The following DCAF6 variants were observed in gnomAD, a reference collection of about 807,000 sequenced individuals.
DCAF6 encodes the protein DDB1- and CUL4-associated factor 6.
In DCAF6, 54 loss-of-function variants were observed where a neutral mutation model predicts 125.1. The observed-to-expected ratio is 0.43, with a 90% CI of 0.35 to 0.54. DCAF6 has a LOEUF of 0.54. Ranked by LOEUF, DCAF6 falls within the 20% of genes least tolerant of loss-of-function variation. DCAF6 has a pLI of 0.01. For synonymous variants in DCAF6, 371 were observed against 390.4 expected, an observed-to-expected ratio of 0.95 and a Z score of 0.58; for missense variants, 934 against 1,161.7, an observed-to-expected ratio of 0.80 and a Z score of 2.85.
chr1:167,894,791 C>A, the DCAF6 span, among the ~76,000 whole-genome samples: 1 of 152,048 alleles, frequency 6.6e-6, no homozygotes, highest in African/African-American at 2.4e-5. Flanking sequence ...TCAGAAGTGC[C>A]GGTGGTCTGG....
intron 1 of DCAF6, chr1:167,937,341 A>G: frequency 3.3e-6 from 1 of 301,164 alleles, no homozygotes; most frequent in Non-Finnish European, 6.6e-6. Context: ...TTTAGAGCAA[A>G]AGTTAGCTCT....
chr1:167,869,162 A>G, the DCAF6 span, among the ~76,000 whole-genome samples: 1 of 152,226 alleles, frequency 6.6e-6, no homozygotes, highest in African/African-American at 2.4e-5. Flanking sequence ...AGCCATGTTT[A>G]GAAGGTGGTT....
chr1:168,071,494 C>T (rs1231977187), intron 21 of DCAF6, among the ~76,000 whole-genome samples: 1 of 151,932 alleles, frequency 6.6e-6, no homozygotes, highest in African/African-American at 2.4e-5. Flanking sequence ...ATTAGCTGGA[C>T]GTGATGGTGC....
chr1:167,943,916 G>C (rs1006505235), intron 1 of DCAF6, among the ~76,000 whole-genome samples: 1 of 151,428 alleles, frequency 6.6e-6, no homozygotes, highest in East Asian at 1.9e-4. Context: ...TCGGCTTACT[G>C]CAAGTTCCGC....
At chr1:167,925,500 T>C in the DCAF6 span, among the ~76,000 whole-genome samples, 2 of 142,048 alleles carry the variant, frequency 1.4e-5, no homozygotes, top group African/African-American at 5.1e-5. Flanking sequence ...CACACATATA[T>C]ATATACACAT....
intron 3 of DCAF6, among the ~76,000 whole-genome samples, chr1:167,972,874 T>G (rs202244): frequency 7.7e-4 from 117 of 152,332 alleles, no homozygotes; most frequent in African/African-American, 2.6e-3. Flanking sequence ...TTAATTAGTT[T>G]ATTTAATAAG....
At position 168,004,767 on chromosome 1, in the gene DCAF6, C is replaced by T. The variant is rs1460485457; in HGVS notation, c.1352C>T (p.Ser451Phe). The change falls in exon 10 of 22, where the codon TCT becomes TTT. Residue 451 changes from serine (S) to phenylalanine (F), a missense_variant. This residue lies in a region of DCAF6 where 559 missense variants were observed against 635.5 expected (regional missense o/e 0.88). Coordinates refer to ENST00000367840, the MANE Select transcript of DCAF6 (RefSeq NM_001198956.2). ...GAACAAAGGCAGTCTGTTGAGGCATCTGGACACCACACACATCATCAGTCT... is the reference window on the plus strand; with the variant it reads ...GAACAAAGGCAGTCTGTTGAGGCATTTGGACACCACACACATCATCAGTCT... ...DSEQRQSVEA[S>F]GHHTHHQSEF... 61 of 1,613,794 alleles carry T rather than the reference C, an allele frequency of 3.8e-5. No individual in the cohort carries two copies. Among genetic ancestry groups the T allele is most frequent in the Non-Finnish European group, 4.2e-5 (49 of 1,179,868 alleles).
chr1:167,994,367 C>T (rs1681325144), intron 7 of DCAF6, among the ~76,000 whole-genome samples: 3 of 152,068 alleles, frequency 2.0e-5, no homozygotes, highest in Admixed American at 2.0e-4. Flanking sequence ...TGATAAATTT[C>T]CAAGAGACTA....
At chr1:167,940,944 G>T (rs984555254) in intron 1 of DCAF6, among the ~76,000 whole-genome samples, 43 of 152,276 alleles carry the variant, frequency 2.8e-4, no homozygotes, top group African/African-American at 8.2e-4. Context: ...TATGAAGTCA[G>T]TGTCCTTTGA....
At chr1:168,014,337 C>T (rs1182248635) in intron 10 of DCAF6, among the ~76,000 whole-genome samples, 1 of 152,146 alleles carries the variant, frequency 6.6e-6, no homozygotes, top group Non-Finnish European at 1.5e-5. Flanking sequence ...TACAATTTCA[C>T]GACTTAGCCT....
chr1:168,048,969 C>G (rs1440996584), intron 16 of DCAF6, among the ~76,000 whole-genome samples: 1 of 152,144 alleles, frequency 6.6e-6, no homozygotes. Context: ...TAAAATGCCT[C>G]TACTGGCAAA....
At chr1:167,946,021 A>G (rs1002953456) in intron 1 of DCAF6, among the ~76,000 whole-genome samples, 7 of 149,528 alleles carry the variant, frequency 4.7e-5, no homozygotes, top group African/African-American at 1.5e-4. Context: ...CAATGGCACA[A>G]TCTCAGCTCA....
At chr1:167,892,769 C>T in the DCAF6 span, among the ~76,000 whole-genome samples, 2 of 152,140 alleles carry the variant, frequency 1.3e-5, no homozygotes, top group Non-Finnish European at 2.9e-5. Context: ...ACAAAGATTT[C>T]CTCCAGGACA....
intron 10 of DCAF6, among the ~76,000 whole-genome samples, chr1:168,007,340 A>C (rs1683469162): frequency 6.6e-6 from 1 of 151,832 alleles, no homozygotes; most frequent in Admixed American, 6.6e-5. Context: ...TTCTTTAAAA[A>C]TTTTCTCTTA....
At chr1:168,064,538 G>T (rs775517935) in intron 18 of DCAF6, among the ~76,000 whole-genome samples, 35 of 151,938 alleles carry the variant, frequency 2.3e-4, no homozygotes, top group Non-Finnish European at 4.1e-4. Context: ...TTTGGGTTGG[G>T]GAAGTAATTA....
chr1:167,995,401 C>T (rs1002213318), intron 7 of DCAF6, among the ~76,000 whole-genome samples: 3 of 152,000 alleles, frequency 2.0e-5, no homozygotes, highest in South Asian at 2.1e-4. Flanking sequence ...GCTTGTTGGC[C>T]GGGCGTAGTG....
In DCAF6 at chr1:168,044,590, C is replaced by G; in HGVS notation, c.1849C>G (p.Pro617Ala). The change falls in exon 15 of 22, where the codon CCT becomes GCT. Residue 617 changes from proline (P) to alanine (A), a missense_variant. Transcript: ENST00000367840. ...PPEGDSETKA[P>A]EESSEDVTKY... ...GTAATTTGGTTTACTTACAGAAGCTCCTGAAGAATCATCAGAGGATGTGAC... is the reference window on the plus strand; with the variant it reads ...GTAATTTGGTTTACTTACAGAAGCTGCTGAAGAATCATCAGAGGATGTGAC... 3 of 1,611,478 alleles carry G rather than the reference C, an allele frequency of 1.9e-6. No homozygotes were observed. The highest frequency in any genetic ancestry group is 8.5e-7 in the Non-Finnish European group (1 of 1,177,830).
chr1:167,872,842 C>T, the DCAF6 span, among the ~76,000 whole-genome samples: 3 of 150,714 alleles, frequency 2.0e-5, no homozygotes, highest in Admixed American at 6.7e-5. Context: ...GAGGCCAAGG[C>T]GGGCAGATCA....
upstream of DCAF6, chr1:167,935,958 C>CGGGAAGGGTA: frequency 1.4e-6 from 1 of 735,500 alleles, no homozygotes; most frequent in Non-Finnish European, 2.3e-6. Context: ...CCGCCTCTCG[C>CGGGAAGGGTA]CTGGAGTACC....
Sources: gnomAD v4.1 joint callset for allele counts (sites outside exome capture counted in the v4.1 genomes callset) on GRCh38, gnomAD v4.1.1 for gene constraint, gnomAD v4.1.1 regional missense constraint, MANE v1.5 for transcripts, NCBI Gene and HGNC (gene_info 2026-07-23, HGNC 2026-07-21) for gene names.